The following LHPP variants were observed in gnomAD, a reference collection of about 807,000 sequenced individuals.
The protein encoded by LHPP is hLHPP.
LHPP carries 24 observed loss-of-function variants against 30.3 expected under a neutral mutation model. That is an observed-to-expected ratio of 0.79 (90% CI 0.57 to 1.11). The LOEUF (loss-of-function observed/expected upper bound fraction) is 1.11. Ranked by LOEUF, LHPP falls within the 50% of genes most tolerant of loss-of-function variation. The probability of loss-of-function intolerance (pLI) is 0.00; values close to 1 mark genes in which losing one functional copy is unlikely to be tolerated. For missense variants in LHPP, 356 were observed against 367.2 expected (o/e 0.97, Z 0.25); for synonymous variants, 150 against 157.1 (o/e 0.95, Z 0.34).
chr10:124,538,985 T>C (rs1955109832), intron 6 of LHPP, among the ~76,000 whole-genome samples: 1 of 152,210 alleles, frequency 6.6e-6, no homozygotes, highest in Non-Finnish European at 1.5e-5. Context: ...TTATTTTTAG[T>C]TGAGCCTCAA....
rs41314420 is a variant in LHPP, at chr10:124,496,847, G to A, written c.468-114G>A. The A allele has an allele frequency of 0.053, 48,105 of 899,732 alleles. 1,446 individuals are homozygous for A. Among genetic ancestry groups the A allele is most frequent in the Middle Eastern group, 0.085 (255 of 3,012 alleles). 55.7% of individuals were successfully genotyped at this position (899,732 alleles called of 1,614,324 possible). A position where few individuals can be genotyped will look rare whatever the true frequency, so the allele number is the denominator to read the frequency against. ...GTAGCGCCTGGACTGCCCCTCAGCC[G>A]CGGCTTGGCTCTGCAGCCAGCGGGA... is the stretch of plus-strand genomic sequence containing the variant. On this transcript the variant is annotated intron_variant, in intron 3 of 6. Coordinates refer to ENST00000368842, the MANE Select transcript of LHPP (RefSeq NM_022126.4). This position sits in a 1 kb window ranked among gnomAD's most constrained non-coding sequence, Gnocchi z 4.3.
At chr10:124,471,437 TTATATA>T (rs369434444) in intron 1 of LHPP, among the ~76,000 whole-genome samples, 2 of 3,494 alleles carry the variant, frequency 5.7e-4, no homozygotes, top group African/African-American at 6.6e-4. Context: ...TATTTATATA[TTATATA>T]TATTTATATA....
At chr10:124,587,644 G>A (rs1948821426) in intron 6 of LHPP, among the ~76,000 whole-genome samples, 1 of 149,212 alleles carries the variant, frequency 6.7e-6, no homozygotes, top group African/African-American at 2.5e-5. Context: ...GGAGGCTGAG[G>A]CAGGAGAATC....
At chr10:124,544,141 G>C (rs951364530) in intron 6 of LHPP, among the ~76,000 whole-genome samples, 1 of 152,226 alleles carries the variant, frequency 6.6e-6, no homozygotes, top group Non-Finnish European at 1.5e-5. Context: ...AGAGCTGGAG[G>C]GGGTAGGGGC....
chr10:124,484,197 G>A lies in LHPP; in HGVS notation c.184G>A (p.Ala62Thr). ...CACCAACGAGTCGCAGAAGTCCCGG[G>A]CAGAGCTGGTGGGGCAGCTTCAGAG... ...FCTNESQKSR[A>T]ELVGQLQRLG... The change falls in exon 2 of 7, where the codon GCA becomes ACA. Residue 62 changes from alanine (A) to threonine (T), a missense_variant. Transcript: ENST00000368842. 1 of 1,614,146 alleles carries A rather than the reference G, an allele frequency of 6.2e-7. No homozygotes were observed. The highest frequency in any genetic ancestry group is 8.5e-7 in the Non-Finnish European group (1 of 1,180,038).
intron 6 of LHPP, among the ~76,000 whole-genome samples, chr10:124,546,656 C>T (rs772727613): frequency 2.4e-4 from 37 of 151,924 alleles, no homozygotes; most frequent in Non-Finnish European, 4.0e-4. Context: ...ATGATCCGCC[C>T]GCCTCAGCCT....
intron 1 of LHPP, among the ~76,000 whole-genome samples, chr10:124,470,648 T>TAACAGCAAC (rs1952700528): frequency 1.4e-5 from 2 of 144,912 alleles, no homozygotes; most frequent in South Asian, 2.2e-4. Context: ...GCAGCAATAG[T>TAACAGCAAC]AACAACAACA....
chr10:124,552,454 A>T (rs895996790), intron 6 of LHPP, among the ~76,000 whole-genome samples: 1 of 152,124 alleles, frequency 6.6e-6, no homozygotes, highest in African/African-American at 2.4e-5. Flanking sequence ...GGAGCTGTCT[A>T]AAGAAGCACC....
intron 6 of LHPP, among the ~76,000 whole-genome samples, chr10:124,527,106 CT>C (rs1416854383): frequency 2.0e-5 from 3 of 152,230 alleles, no homozygotes; most frequent in Admixed American, 2.0e-4. Flanking sequence ...AGCCCTCTCG[CT>C]GCCCACAGGG....
chr10:124,550,223 AC>A (rs920240895), intron 6 of LHPP, among the ~76,000 whole-genome samples: 1 of 152,116 alleles, frequency 6.6e-6, no homozygotes, highest in Non-Finnish European at 1.5e-5. Context: ...TCATCCTCAT[AC>A]CCTCTCTCCT....
rs2133900828 is a variant in LHPP, at chr10:124,510,451, G to T, written c.625-6729G>T. Among the ~76,000 whole-genome samples the T allele has an allele frequency of 6.6e-6, 1 of 152,258 alleles. No individual in the cohort carries two copies. Among genetic ancestry groups the T allele is most frequent in the African/African-American group, 2.4e-5 (1 of 41,542 alleles). On this transcript the variant is annotated intron_variant, in intron 5 of 6. Coordinates refer to ENST00000368842, the MANE Select transcript of LHPP (RefSeq NM_022126.4). This position sits in a 1 kb window ranked among gnomAD's most constrained non-coding sequence, Gnocchi z 4.0. ...CCTCCCTCGCCGACAGCTTCCCGGG[G>T]CTCTGCCTGGAGGCAGCCTCGCTTT...
intron 6 of LHPP, among the ~76,000 whole-genome samples, chr10:124,536,204 T>C (rs1490520894): frequency 1.3e-5 from 2 of 152,268 alleles, no homozygotes. Context: ...GGCCTGCCTT[T>C]TGGCTTGCTC....
chr10:124,513,928 G>T (rs1954383490), intron 5 of LHPP, among the ~76,000 whole-genome samples: 1 of 152,182 alleles, frequency 6.6e-6, no homozygotes, highest in Non-Finnish European at 1.5e-5. Context: ...GGTGACCAAT[G>T]GGAAGTCTTG....
chr10:124,508,770 A>G (rs1450332706), intron 5 of LHPP, among the ~76,000 whole-genome samples: 1 of 152,122 alleles, frequency 6.6e-6, no homozygotes, highest in African/African-American at 2.4e-5. Flanking sequence ...GATCTTGCCA[A>G]TTTTTTGTGT....
intron 6 of LHPP, among the ~76,000 whole-genome samples, chr10:124,607,535 G>T (rs571628218): frequency 2.6e-5 from 4 of 152,226 alleles, no homozygotes; most frequent in African/African-American, 4.8e-5. Context: ...GTACACGTGC[G>T]GAGTGGGGCT....
At chr10:124,524,552 CA>C (rs1954686346) in intron 6 of LHPP, among the ~76,000 whole-genome samples, 1 of 152,182 alleles carries the variant, frequency 6.6e-6, no homozygotes, top group Non-Finnish European at 1.5e-5. Flanking sequence ...GCTGGGATTA[CA>C]GGCATGAGCC....
chr10:124,601,435 G>A (rs1159075004), intron 6 of LHPP, among the ~76,000 whole-genome samples: 4 of 152,172 alleles, frequency 2.6e-5, no homozygotes, highest in South Asian at 2.1e-4. Flanking sequence ...TGAGACAGGC[G>A]GGTGAGCACT....
intron 6 of LHPP, among the ~76,000 whole-genome samples, chr10:124,568,800 G>C (rs553022765): frequency 6.6e-6 from 1 of 152,300 alleles, no homozygotes; most frequent in South Asian, 2.1e-4. Context: ...CGTTACACAC[G>C]TCACTTCATT....
chr10:124,520,980 A>G (rs368961230), intron 6 of LHPP, among the ~76,000 whole-genome samples: 94 of 152,308 alleles, frequency 6.2e-4, no homozygotes, highest in African/African-American at 2.2e-3. Context: ...AATTTTTGTT[A>G]ACGTGGCTAC....
Sources: gnomAD v4.1 joint callset for allele counts (sites outside exome capture counted in the v4.1 genomes callset) on GRCh38, gnomAD v4.1.1 for gene constraint, Gnocchi (gnomAD v3.1) non-coding constraint, MANE v1.5 for transcripts, NCBI Gene and HGNC (gene_info 2026-07-23, HGNC 2026-07-21) for gene names.